Variants in BLTP3A observed in about 807,000 individuals in gnomAD.
BLTP3A encodes the protein bridge-like lipid transfer protein family member 3A.
At chr6:34,842,962 A>G in the BLTP3A span, among the ~76,000 whole-genome samples, 66,703 of 151,982 alleles carry the variant, frequency 0.44, 16,416 homozygotes, top group African/African-American at 0.68. Flanking sequence ...AGTATTAAAT[A>G]AAAATAGTTT....
the BLTP3A span, among the ~76,000 whole-genome samples, chr6:34,817,184 C>T: frequency 6.6e-6 from 1 of 152,120 alleles, no homozygotes; most frequent in African/African-American, 2.4e-5. Context: ...TTTATTTCTC[C>T]TTCGTACCTC....
chr6:34,836,775 T>A, the BLTP3A span, among the ~76,000 whole-genome samples: 1 of 152,190 alleles, frequency 6.6e-6, no homozygotes, highest in Non-Finnish European at 1.5e-5. Context: ...TAGATTTGGG[T>A]CAGTTTAAAT....
the BLTP3A span, chr6:34,792,277 C>A: frequency 1.3e-6 from 2 of 1,545,214 alleles, no homozygotes; most frequent in Admixed American, 4.0e-5. Flanking sequence ...AGAAGCAGAT[C>A]CTGAAACACC....
At chr6:34,826,268 C>T in the BLTP3A span, among the ~76,000 whole-genome samples, 22,126 of 151,820 alleles carry the variant, frequency 0.15, 1,961 homozygotes, top group African/African-American at 0.25. Context: ...ATGATCCACC[C>T]GGCTTGGCCT....
chr6:34,869,703 T>G, the BLTP3A span, among the ~76,000 whole-genome samples: 2 of 137,554 alleles, frequency 1.5e-5, no homozygotes, highest in East Asian at 4.1e-4. Flanking sequence ...CAGGCCGGAG[T>G]GCAGTGGTTG....
At chr6:34,872,299 T>G in the BLTP3A span, 1 of 1,600,494 alleles carries the variant, frequency 6.2e-7, no homozygotes, top group Non-Finnish European at 8.5e-7. Context: ...TGTTAACTAC[T>G]TATTGTTCCT....
the BLTP3A span, among the ~76,000 whole-genome samples, chr6:34,796,140 T>C: frequency 2.0e-3 from 308 of 152,338 alleles, 2 homozygotes; most frequent in African/African-American, 7.0e-3. Flanking sequence ...AAATAAATAC[T>C]GTAGGTGTTT....
chr6:34,821,515 T>C, the BLTP3A span: 2 of 807,738 alleles, frequency 2.5e-6, no homozygotes, highest in Admixed American at 2.9e-5. Context: ...GTTCCTTCAC[T>C]CCCACTGCTT....
chr6:34,841,081 C>T, the BLTP3A span, among the ~76,000 whole-genome samples: 43 of 152,214 alleles, frequency 2.8e-4, no homozygotes, highest in African/African-American at 8.9e-4. Flanking sequence ...ATAATCTTCT[C>T]GCCTAAGCCG....
chr6:34,874,770 C>T, the BLTP3A span: 2 of 152,162 alleles, frequency 1.3e-5, no homozygotes, highest in South Asian at 4.1e-4. Context: ...TCAGGAAGGG[C>T]TTTTGGAGAT....
the BLTP3A span, chr6:34,875,616 G>A: frequency 6.6e-6 from 1 of 152,102 alleles, no homozygotes. Context: ...GCTCTCTAAA[G>A]GAGTCCAGAG....
At chr6:34,862,332 T>C in the BLTP3A span, among the ~76,000 whole-genome samples, 2 of 151,478 alleles carry the variant, frequency 1.3e-5, no homozygotes, top group African/African-American at 4.8e-5. Flanking sequence ...GCTGAGATCA[T>C]GCCACTGCAC....
At chr6:34,814,931 G>A in the BLTP3A span, among the ~76,000 whole-genome samples, 497 of 152,196 alleles carry the variant, frequency 3.3e-3, 3 homozygotes, top group Non-Finnish European at 4.9e-3. Flanking sequence ...TGTGTTTTGG[G>A]GGAACTTATA....
the BLTP3A span, among the ~76,000 whole-genome samples, chr6:34,851,936 C>T: frequency 1.0e-3 from 157 of 152,196 alleles, no homozygotes; most frequent in African/African-American, 3.3e-3. Context: ...TGCCTGGCTA[C>T]TGCCAATGTT....
the BLTP3A span, among the ~76,000 whole-genome samples, chr6:34,815,941 C>G: frequency 6.6e-6 from 1 of 152,168 alleles, no homozygotes; most frequent in Non-Finnish European, 1.5e-5. Context: ...CAACCGTGCC[C>G]GGCCTGCATT....
At chr6:34,823,643 ATCAGTCCT>A in the BLTP3A span, among the ~76,000 whole-genome samples, 10 of 150,934 alleles carry the variant, frequency 6.6e-5, no homozygotes, top group South Asian at 2.1e-4. Flanking sequence ...CCTGGGCTCA[ATCAGTCCT>A]TCTACCTCAG....
the BLTP3A span, chr6:34,856,451 T>G: frequency 6.3e-7 from 1 of 1,588,306 alleles, no homozygotes; most frequent in Non-Finnish European, 8.6e-7. Context: ...GCTTAGCCTC[T>G]TGCCATTTAT....
the BLTP3A span, among the ~76,000 whole-genome samples, chr6:34,796,829 C>T: frequency 4.6e-5 from 7 of 152,260 alleles, no homozygotes; most frequent in South Asian, 4.1e-4. Flanking sequence ...CTCATCCTCC[C>T]GAGTAGCTGG....
At chr6:34,872,462 C>A in the BLTP3A span, 1 of 1,595,772 alleles carries the variant, frequency 6.3e-7, no homozygotes. Context: ...GCCATCTGTG[C>A]CAAGGAGAGA....
Sources: gnomAD v4.1 joint callset for allele counts (sites outside exome capture counted in the v4.1 genomes callset) on GRCh38, gnomAD v4.1.1 for gene constraint, MANE v1.5 for transcripts, NCBI Gene and HGNC (gene_info 2026-07-23, HGNC 2026-07-21) for gene names.